Variants in PIGK observed in about 807,000 individuals in gnomAD.
The protein encoded by PIGK is GPI-anchor transamidase.
Under a neutral mutation model 50.6 loss-of-function variants are expected in PIGK, and 42 were observed. The ratio of observed to expected loss-of-function variants is 0.83; its 90% CI spans 0.65 to 1.07. The LOEUF (loss-of-function observed/expected upper bound fraction) is 1.07. Among genes scored for constraint, PIGK ranks in the 50% least tolerant of loss-of-function variants. The probability of loss-of-function intolerance (pLI) is 0.00; values close to 1 mark genes in which losing one functional copy is unlikely to be tolerated. For missense variants in PIGK, 448 were observed against 488.7 expected, an observed-to-expected ratio of 0.92 and a Z score of 0.78; for synonymous variants, 151 against 156.0, an observed-to-expected ratio of 0.97 and a Z score of 0.24.
At chr1:77,198,978 G>A (rs1194088277) in intron 3 of PIGK, among the ~76,000 whole-genome samples, 2 of 152,088 alleles carry the variant, frequency 1.3e-5, no homozygotes, top group Non-Finnish European at 2.9e-5. Context: ...GATAGTGACA[G>A]TAGTAAAGAC....
At chr1:77,172,473 TA>T (rs1655389254) in intron 3 of PIGK, among the ~76,000 whole-genome samples, 1 of 152,188 alleles carries the variant, frequency 6.6e-6, no homozygotes, top group Non-Finnish European at 1.5e-5. Context: ...GCTTGCCAAT[TA>T]GTGAATTGAC....
chr1:77,152,919 T>C (rs1176056510), intron 9 of PIGK, among the ~76,000 whole-genome samples: 1 of 152,128 alleles, frequency 6.6e-6, no homozygotes, highest in African/African-American at 2.4e-5. Context: ...TTGGTGGGAA[T>C]GCAAAATAGG....
At chr1:77,187,814 G>A (rs545718238) in intron 3 of PIGK, among the ~76,000 whole-genome samples, 13 of 152,332 alleles carry the variant, frequency 8.5e-5, no homozygotes, top group Non-Finnish European at 1.0e-4. Flanking sequence ...CGGATGGACC[G>A]GCTGAAGCCA....
At chr1:77,150,709 C>T (rs192224326) in intron 9 of PIGK, among the ~76,000 whole-genome samples, 263 of 152,090 alleles carry the variant, frequency 1.7e-3, no homozygotes, top group African/African-American at 6.1e-3. Flanking sequence ...TAGACAATAT[C>T]GTGAACAAGT....
In PIGK at chr1:77,107,189, C is replaced by A. The variant is rs369872039; in HGVS notation, c.1072-14699G>T. Among the ~76,000 whole-genome samples the A allele has an allele frequency of 1.0e-3, 156 of 151,974 alleles. 1 individual carries two copies. The East Asian group carries it at 0.022, about 22-fold the overall frequency. The stretch of plus-strand genomic sequence containing the variant: ...CTTTTAATTGTGATGTTAGGGTGTC[C>A]ATTTTAGATCTTTCCTGCTTTCTCT... On this transcript the variant is annotated intron_variant, in intron 10 of 10. Transcript: ENST00000370812.
At chr1:77,162,315 C>T (rs115863850) in intron 6 of PIGK, among the ~76,000 whole-genome samples, 1,671 of 152,122 alleles carry the variant, frequency 0.011, 33 homozygotes, top group African/African-American at 0.038. Flanking sequence ...ATGCCCAATA[C>T]GGACAATGAG....
rs531501910 is a variant in PIGK at position 77,116,214 on chromosome 1, C to G, written c.1071+6061G>C. ...CTCTTTTTTTTTTGAGACAGAGTCT[C>G]GCTCTGTCGCCCAGGCTGGAGAGCA... On this transcript the variant is annotated intron_variant, in intron 10 of 10. Coordinates refer to ENST00000370812, the MANE Select transcript of PIGK (RefSeq NM_005482.3). Among the ~76,000 whole-genome samples the G allele has an allele frequency of 3.8e-3, 582 of 151,932 alleles. 1 individual carries two copies. The highest frequency in any genetic ancestry group is 0.029 in the South Asian group (138 of 4,802).
Position 77,196,601 on chromosome 1 carries a change from C to T in PIGK, c.239+10039G>A, listed in dbSNP as rs943167009. On this transcript the variant is annotated intron_variant, in intron 3 of 10. Transcript: ENST00000370812. ...TGAGCACCTTTTCATGTTTTTTGGCCGTTTGTATGTCTTCTTTTGAGAAGT... is the reference window on the plus strand; with the variant it reads ...TGAGCACCTTTTCATGTTTTTTGGCTGTTTGTATGTCTTCTTTTGAGAAGT... 4.0e-5 allele frequency among the ~76,000 whole-genome samples: 6 copies of T among 151,732 alleles called. No individual in the cohort carries two copies. The South Asian group carries it at 6.3e-4, about 16-fold the overall frequency.
At chr1:77,134,748 G>T (rs936684929) in intron 9 of PIGK, among the ~76,000 whole-genome samples, 1 of 151,990 alleles carries the variant, frequency 6.6e-6, no homozygotes, top group Non-Finnish European at 1.5e-5. Flanking sequence ...AATTGTTCTT[G>T]GTGAGCTCAT....
chr1:77,183,150 T>C (rs1655660047), intron 3 of PIGK, among the ~76,000 whole-genome samples: 1 of 152,224 alleles, frequency 6.6e-6, no homozygotes, highest in Non-Finnish European at 1.5e-5. Flanking sequence ...ACTAGGCGTC[T>C]ATTGTTAAAC....
intron 9 of PIGK, among the ~76,000 whole-genome samples, chr1:77,135,571 T>A (rs958118116): frequency 2.0e-5 from 3 of 152,070 alleles, no homozygotes; most frequent in African/African-American, 7.2e-5. Flanking sequence ...TTATAAACTA[T>A]TATTATTCAC....
At chr1:77,185,800 T>C (rs948449318) in intron 3 of PIGK, among the ~76,000 whole-genome samples, 2 of 152,212 alleles carry the variant, frequency 1.3e-5, no homozygotes, top group Non-Finnish European at 2.9e-5. Flanking sequence ...TTGGAGCCTT[T>C]GGCAGGCCCT....
chr1:77,179,555 T>C (rs923593118), intron 3 of PIGK, among the ~76,000 whole-genome samples: 1 of 152,184 alleles, frequency 6.6e-6, no homozygotes, highest in Non-Finnish European at 1.5e-5. Context: ...ACCAATCCAG[T>C]TGTTCCTGTT....
chr1:77,096,697 A>G (rs564628668), intron 10 of PIGK, among the ~76,000 whole-genome samples: 60 of 152,162 alleles, frequency 3.9e-4, no homozygotes, highest in Non-Finnish European at 7.9e-4. Context: ...CAACTTGCAG[A>G]ATTGTGAGCT....
At chr1:77,134,971 A>G (rs1448365792) in intron 9 of PIGK, among the ~76,000 whole-genome samples, 1 of 152,042 alleles carries the variant, frequency 6.6e-6, no homozygotes, top group Non-Finnish European at 1.5e-5. Flanking sequence ...TTACACTGTG[A>G]TCCGAAAAAA....
At chr1:77,117,214 T>C (rs1653998187) in intron 10 of PIGK, among the ~76,000 whole-genome samples, 1 of 152,218 alleles carries the variant, frequency 6.6e-6, no homozygotes, top group Non-Finnish European at 1.5e-5. Flanking sequence ...ATGCCTTGGA[T>C]AATTTCCCCT....
intron 9 of PIGK, among the ~76,000 whole-genome samples, chr1:77,138,749 G>A (rs1490428287): frequency 6.6e-6 from 1 of 152,158 alleles, no homozygotes; most frequent in Admixed American, 6.5e-5. Flanking sequence ...CTTAATCCGT[G>A]AGGATCCTGA....
At chr1:77,201,765 A>AAAG (rs1656172058) in intron 3 of PIGK, among the ~76,000 whole-genome samples, 1 of 151,726 alleles carries the variant, frequency 6.6e-6, no homozygotes, top group African/African-American at 2.4e-5. Flanking sequence ...AGAAAAAAAA[A>AAAG]TCTACTATAG....
At chr1:77,213,906 C>T (rs1165719035) in intron 1 of PIGK, among the ~76,000 whole-genome samples, 1 of 151,084 alleles carries the variant, frequency 6.6e-6, no homozygotes, top group Admixed American at 6.6e-5. Context: ...TTATAAACAA[C>T]TATACACAAA....
Sources: gnomAD v4.1 joint callset for allele counts (sites outside exome capture counted in the v4.1 genomes callset) on GRCh38, gnomAD v4.1.1 for gene constraint, MANE v1.5 for transcripts, NCBI Gene and HGNC (gene_info 2026-07-23, HGNC 2026-07-21) for gene names.